TRPM5: variants seen among roughly 807,000 people sequenced by gnomAD.
The protein encoded by TRPM5 is MLSN1 and TRP-related.
TRPM5 carries 121 observed loss-of-function variants against 124.9 expected under a neutral mutation model. That is an observed-to-expected ratio of 0.97 (90% confidence interval 0.84 to 1.13). The LOEUF (loss-of-function observed/expected upper bound fraction) is 1.13. Ranked by LOEUF, TRPM5 falls within the 50% of genes most tolerant of loss-of-function variation. TRPM5 has a pLI of 0.00. For missense variants in TRPM5, 1,643 were observed against 1,589.1 expected (o/e 1.03, Z -0.58); for synonymous variants, 781 against 700.5 (o/e 1.11, Z -1.81).
chr11:2,425,420 T>A (rs1845832453), upstream of TRPM5, among the ~76,000 whole-genome samples: 2 of 152,224 alleles, frequency 1.3e-5, no homozygotes, highest in African/African-American at 4.8e-5. Context: ...CTGTGTCCTC[T>A]GCAATCATTG....
At chr11:2,435,300 A>G in the TRPM5 span, among the ~76,000 whole-genome samples, 1 of 152,272 alleles carries the variant, frequency 6.6e-6, no homozygotes, top group East Asian at 1.9e-4. The surrounding 1 kb of genome is among the most constrained non-coding windows in gnomAD (Gnocchi z 4.1). Flanking sequence ...ATTCATGGAG[A>G]GGCTGCCATC....
exon 15 of TRPM5, chr11:2,412,862 G>A: frequency 6.2e-7 from 1 of 1,600,510 alleles, no homozygotes; most frequent in South Asian, 1.1e-5. Context: ...GGACGTAGGT[G>A]AACAGGAAGA....
chr11:2,411,268 T>G, intron 18 of TRPM5, 84 bp downstream of exon 23: 2 of 1,436,364 alleles, frequency 1.4e-6, no homozygotes, highest in Non-Finnish European at 1.8e-6. Context: ...CCAACAGACC[T>G]CTCTGGAGAG....
rs1403908642 is a variant in TRPM5 at position 2,412,815 on chromosome 11, G to A, written c.2294C>T (p.Ser765Leu). 14 of 1,605,196 alleles carry A rather than the reference G, an allele frequency of 8.7e-6. No homozygotes were observed. The African/African-American group carries it at 1.1e-4, about 12-fold the overall frequency. The change falls in exon 15 of 24, where the codon TCA becomes TTA. Residue 765 changes from serine to leucine, a missense_variant. Transcript: ENST00000155858. ...GAAGTAGAGGGTGACCTCGGGCCCT[G>A]AGGGGCCCTGGGGGGGCGGCCTGAA...
chr11:2,428,081 C>T, the TRPM5 span, among the ~76,000 whole-genome samples: 1 of 152,192 alleles, frequency 6.6e-6, no homozygotes, highest in Non-Finnish European at 1.5e-5. The surrounding 1 kb of genome is among the most constrained non-coding windows in gnomAD (Gnocchi z 4.0). Flanking sequence ...CAGAGTGTGC[C>T]TCTGGAATCC....
chr11:2,406,414 A>G (rs72845801), intron 21 of TRPM5, among the ~76,000 whole-genome samples: 3 of 151,774 alleles, frequency 2.0e-5, no homozygotes, highest in South Asian at 2.1e-4. Context: ...GGTAGTCCCA[A>G]CCCTGAGACC....
At chr11:2,431,569 G>C in the TRPM5 span, among the ~76,000 whole-genome samples, 5 of 152,258 alleles carry the variant, frequency 3.3e-5, no homozygotes, top group South Asian at 1.0e-3. Flanking sequence ...TTCAGTACCA[G>C]GTCATGTTCC....
the TRPM5 span, among the ~76,000 whole-genome samples, chr11:2,434,730 G>A: frequency 6.6e-6 from 1 of 152,144 alleles, no homozygotes; most frequent in East Asian, 1.9e-4. Flanking sequence ...CTGTGTGTGT[G>A]TGTCTGTGGT....
chr11:2,437,491 GCA>G, the TRPM5 span, among the ~76,000 whole-genome samples: 1 of 152,174 alleles, frequency 6.6e-6, no homozygotes, highest in Non-Finnish European at 1.5e-5. This position sits in a 1 kb window ranked among gnomAD's most constrained non-coding sequence, Gnocchi z 5.6. Flanking sequence ...AGTGTGTGGG[GCA>G]CAGTCAATGC....
chr11:2,418,233 C>T, exon 6 of TRPM5: 1 of 1,586,988 alleles, frequency 6.3e-7, no homozygotes, highest in South Asian at 1.1e-5. Flanking sequence ...CCTTAAACTG[C>T]TTCTCGGCCA....
At chr11:2,420,042 C>G (rs1486763838) in intron 4 of TRPM5, among the ~76,000 whole-genome samples, 180 bp downstream of exon 9, 1 of 75,728 alleles carries the variant, frequency 1.3e-5, no homozygotes, top group South Asian at 4.6e-4. Context: ...AGCTCCTCCT[C>G]CCAGGCCCCC....
At chr11:2,419,640 A>C (rs868294305) in intron 4 of TRPM5, among the ~76,000 whole-genome samples, 5 of 146,638 alleles carry the variant, frequency 3.4e-5, no homozygotes, top group Non-Finnish European at 7.5e-5. Context: ...AAAAAAAAAA[A>C]CAGAGGGCTC....
chr11:2,415,002 C>A (rs374233310), exon 10 of TRPM5: 1 of 1,605,454 alleles, frequency 6.2e-7, no homozygotes, highest in Non-Finnish European at 8.5e-7. Flanking sequence ...TGGTTCAGGT[C>A]CAGCAGCCAC....
chr11:2,431,041 T>G, the TRPM5 span, among the ~76,000 whole-genome samples: 1 of 152,118 alleles, frequency 6.6e-6, no homozygotes, highest in Non-Finnish European at 1.5e-5. Flanking sequence ...GCAGCTTTGC[T>G]CTGGATGGGA....
chr11:2,436,128 C>G, the TRPM5 span, among the ~76,000 whole-genome samples: 1 of 152,236 alleles, frequency 6.6e-6, no homozygotes, highest in African/African-American at 2.4e-5. Flanking sequence ...CAATAAATCC[C>G]GGCAGGCTGG....
intron 1 of TRPM5, 34 bp from the exon 7 acceptor site, chr11:2,422,355 G>T: frequency 6.3e-7 from 1 of 1,585,998 alleles, no homozygotes; most frequent in Non-Finnish European, 8.6e-7. Context: ...GGGCTTTCGG[G>T]GCACGGGGCA....
intron 1 of TRPM5, among the ~76,000 whole-genome samples, chr11:2,422,697 G>A (rs573534766): frequency 4.7e-4 from 72 of 151,884 alleles, no homozygotes; most frequent in African/African-American, 1.7e-3. Context: ...ATCTCTCGGG[G>A]GGACTTCAGG....
chr11:2,439,005 G>A, the TRPM5 span, among the ~76,000 whole-genome samples: 1 of 152,272 alleles, frequency 6.6e-6, no homozygotes, highest in South Asian at 2.1e-4. Context: ...ACAGAATAGA[G>A]AGCCCAGAAG....
upstream of TRPM5, among the ~76,000 whole-genome samples, chr11:2,424,173 G>A (rs773417864): frequency 2.1e-4 from 32 of 152,258 alleles, no homozygotes; most frequent in Admixed American, 1.9e-3. Flanking sequence ...GCTCTGGGCT[G>A]TGTCCACCAC....
Sources: gnomAD v4.1 joint callset for allele counts (sites outside exome capture counted in the v4.1 genomes callset) on GRCh38, gnomAD v4.1.1 for gene constraint, Gnocchi (gnomAD v3.1) non-coding constraint, MANE v1.5 for transcripts, NCBI Gene and HGNC (gene_info 2026-07-23, HGNC 2026-07-21) for gene names.